RIMS2: variants seen among roughly 807,000 people sequenced by gnomAD.
The protein encoded by RIMS2 is regulating synaptic membrane exocytosis protein 2.
RIMS2 carries 59 observed loss-of-function variants against 174.4 expected under a neutral mutation model. That is an observed-to-expected ratio of 0.34 (90% confidence interval 0.27 to 0.42). RIMS2 has a LOEUF of 0.42. RIMS2 is among the 10% of genes least tolerant of loss of function. The probability of loss-of-function intolerance (pLI) is 1.00; values close to 1 mark genes in which losing one functional copy is unlikely to be tolerated. For missense variants in RIMS2, 1,620 were observed against 1,666.3 expected, an observed-to-expected ratio of 0.97 and a Z score of 0.48; for synonymous variants, 606 against 572.5, an observed-to-expected ratio of 1.06 and a Z score of -0.84.
chr8:104,175,488 T>C (rs1330059965), intron 19 of RIMS2, among the ~76,000 whole-genome samples: 1 of 152,180 alleles, frequency 6.6e-6, no homozygotes, highest in Non-Finnish European at 1.5e-5. Flanking sequence ...AAATGTATAA[T>C]AAATTATTGC....
At chr8:103,751,108 C>T (rs1426994105) in intron 2 of RIMS2, among the ~76,000 whole-genome samples, 1 of 152,158 alleles carries the variant, frequency 6.6e-6, no homozygotes, top group Non-Finnish European at 1.5e-5. Context: ...GAGGCCTCCC[C>T]AGCCACATGG....
chr8:104,170,003 T>G (rs1476876280), intron 19 of RIMS2, among the ~76,000 whole-genome samples: 1 of 152,106 alleles, frequency 6.6e-6, no homozygotes, highest in Non-Finnish European at 1.5e-5. Flanking sequence ...GATTTCCAGT[T>G]TTATTCCACT....
intron 19 of RIMS2, 80 bp downstream of exon 23, chr8:104,068,692 G>C: frequency 1.4e-6 from 1 of 735,756 alleles, no homozygotes; most frequent in East Asian, 2.7e-5. Flanking sequence ...ACTAAATGCA[G>C]ATTAGTCAGA....
At chr8:103,755,632 T>G (rs1247920203) in intron 2 of RIMS2, among the ~76,000 whole-genome samples, 1 of 152,030 alleles carries the variant, frequency 6.6e-6, no homozygotes, top group Non-Finnish European at 1.5e-5. Context: ...TCATTTTCAC[T>G]TTTTTTCTCT....
chr8:103,507,299 T>C (rs1366094345), intron 1 of RIMS2, among the ~76,000 whole-genome samples: 1 of 152,120 alleles, frequency 6.6e-6, no homozygotes, highest in Non-Finnish European at 1.5e-5. Flanking sequence ...TCCCCAATTA[T>C]GCTTATCAAA....
intron 1 of RIMS2, among the ~76,000 whole-genome samples, chr8:103,557,281 A>G (rs928856387): frequency 1.3e-5 from 2 of 152,168 alleles, no homozygotes; most frequent in Non-Finnish European, 2.9e-5. Flanking sequence ...ACCTTATCTT[A>G]ACACTGGACT....
At chr8:104,198,974 G>C (rs953190103) in intron 19 of RIMS2, among the ~76,000 whole-genome samples, 1 of 152,320 alleles carries the variant, frequency 6.6e-6, no homozygotes, top group Non-Finnish European at 1.5e-5. Context: ...CTTATATAAT[G>C]AATTGGACAA....
chr8:104,167,260 T>C (rs553625227), intron 19 of RIMS2, among the ~76,000 whole-genome samples: 15 of 152,314 alleles, frequency 9.8e-5, no homozygotes, highest in Non-Finnish European at 1.9e-4. Context: ...AGTTTCTGTT[T>C]CTTCCTGATT....
intron 3 of RIMS2, among the ~76,000 whole-genome samples, chr8:103,874,170 G>A (rs1426784883): frequency 6.6e-6 from 1 of 152,056 alleles, no homozygotes; most frequent in East Asian, 1.9e-4. Flanking sequence ...TCTAGTGGCT[G>A]TGAGAGTTAC....
At chr8:104,244,418 T>G (rs1424381089) in intron 19 of RIMS2, among the ~76,000 whole-genome samples, 1 of 152,176 alleles carries the variant, frequency 6.6e-6, no homozygotes, top group Non-Finnish European at 1.5e-5. Flanking sequence ...CAGACTTTCC[T>G]ATAAAAGTTA....
At chr8:103,655,445 T>C (rs1330963040) in intron 1 of RIMS2, among the ~76,000 whole-genome samples, 1 of 144,196 alleles carries the variant, frequency 6.9e-6, no homozygotes, top group African/African-American at 2.6e-5. Flanking sequence ...CTGCAATACA[T>C]AGCAAAATGG....
At chr8:103,556,008 A>T (rs1032994999) in intron 1 of RIMS2, among the ~76,000 whole-genome samples, 6 of 152,250 alleles carry the variant, frequency 3.9e-5, no homozygotes. Context: ...AGAAAGAGAG[A>T]GTAGAATTGT....
chr8:103,759,581 A>G (rs920686204), intron 2 of RIMS2, among the ~76,000 whole-genome samples: 8 of 151,594 alleles, frequency 5.3e-5, no homozygotes, highest in East Asian at 1.9e-4. Flanking sequence ...AAAAAAAAAA[A>G]AAAAAAAGAA....
chr8:103,806,000 C>T (rs2098647685), intron 3 of RIMS2, among the ~76,000 whole-genome samples: 1 of 151,962 alleles, frequency 6.6e-6, no homozygotes, highest in Admixed American at 6.6e-5. Flanking sequence ...TTTTTCATTT[C>T]TGTGATATAT....
chr8:103,610,799 T>C (rs769604651), intron 1 of RIMS2, among the ~76,000 whole-genome samples: 9 of 152,166 alleles, frequency 5.9e-5, no homozygotes, highest in African/African-American at 1.9e-4. Flanking sequence ...TCTTTTGTCA[T>C]GTGTCTGCCA....
downstream of RIMS2, chr8:104,255,719 T>C (rs1475615840): frequency 6.6e-6 from 1 of 152,284 alleles, no homozygotes; most frequent in Non-Finnish European, 1.5e-5. Flanking sequence ...GTGCTCAATG[T>C]GTTTGTCTCA....
chr8:103,956,877 T>C (rs1279502622), intron 14 of RIMS2, among the ~76,000 whole-genome samples: 2 of 152,004 alleles, frequency 1.3e-5, no homozygotes, highest in Admixed American at 6.6e-5. Flanking sequence ...ATATCCAGAA[T>C]CTACAAAGAA....
intron 1 of RIMS2, among the ~76,000 whole-genome samples, chr8:103,609,331 C>T (rs572306777): frequency 6.6e-6 from 1 of 152,256 alleles, no homozygotes; most frequent in South Asian, 2.1e-4. Flanking sequence ...TTGATAATTT[C>T]TTTTGCTGTA....
At chr8:103,757,085 A>C (rs545372716) in intron 2 of RIMS2, among the ~76,000 whole-genome samples, 12 of 152,066 alleles carry the variant, frequency 7.9e-5, no homozygotes, top group African/African-American at 2.7e-4. Context: ...AGCATCTCCA[A>C]TACAGTGTAG....
Sources: gnomAD v4.1 joint callset for allele counts (sites outside exome capture counted in the v4.1 genomes callset) on GRCh38, gnomAD v4.1.1 for gene constraint, MANE v1.5 for transcripts, NCBI Gene and HGNC (gene_info 2026-07-23, HGNC 2026-07-21) for gene names.